ENOX1: variants seen among roughly 807,000 people sequenced by gnomAD.
ENOX1 encodes ecto-NOX disulfide-thiol exchanger 1.
In ENOX1, 42 loss-of-function variants were observed where a neutral mutation model predicts 82.5. That is an observed-to-expected ratio of 0.51 (90% confidence interval 0.40 to 0.66). The LOEUF (loss-of-function observed/expected upper bound fraction) is 0.66, where lower values mean the gene tolerates loss of function less well. Ranked by LOEUF, ENOX1 falls within the 30% of genes least tolerant of loss-of-function variation. The pLI is 0.00. For missense variants in ENOX1, 608 were observed against 811.6 expected (o/e 0.75, Z 3.05); for synonymous variants, 271 against 282.2 (o/e 0.96, Z 0.40).
chr13:43,279,653 T>C (rs1243201925), intron 12 of ENOX1, among the ~76,000 whole-genome samples: 1 of 152,214 alleles, frequency 6.6e-6, no homozygotes, highest in Admixed American at 6.5e-5. Context: ...CTAAAGAACA[T>C]GTGTTAAGTA....
chr13:43,248,371 T>C (rs1036341079), intron 14 of ENOX1, among the ~76,000 whole-genome samples: 2 of 151,938 alleles, frequency 1.3e-5, no homozygotes, highest in Admixed American at 6.6e-5. Flanking sequence ...GTATGGTGGA[T>C]AGTGAAAAAA....
At chr13:43,387,849 G>A (rs563855627) in intron 5 of ENOX1, among the ~76,000 whole-genome samples, 31 of 152,146 alleles carry the variant, frequency 2.0e-4, no homozygotes, top group Admixed American at 2.0e-3. Flanking sequence ...CATAACTGGT[G>A]TTTTCGAACA....
At chr13:43,224,337 C>A (rs561805399) in intron 15 of ENOX1, among the ~76,000 whole-genome samples, 199 bp from the exon 16 acceptor site, 1 of 152,270 alleles carries the variant, frequency 6.6e-6, no homozygotes, top group African/African-American at 2.4e-5. Context: ...ACTTTATCTC[C>A]TGGAATGATA....
At chr13:43,584,879 G>A (rs2080907542) in intron 2 of ENOX1, among the ~76,000 whole-genome samples, 1 of 152,110 alleles carries the variant, frequency 6.6e-6, no homozygotes, top group African/African-American at 2.4e-5. Flanking sequence ...CCATCCGCAG[G>A]CAAGAAGGAG....
intron 2 of ENOX1, among the ~76,000 whole-genome samples, chr13:43,566,833 G>A (rs2079942699): frequency 6.6e-6 from 1 of 152,034 alleles, no homozygotes; most frequent in Non-Finnish European, 1.5e-5. Flanking sequence ...ATGTGAAAAT[G>A]CTTTGTGAAT....
chr13:43,510,646 A>G (rs1439591298), intron 2 of ENOX1, among the ~76,000 whole-genome samples: 3 of 152,062 alleles, frequency 2.0e-5, no homozygotes, highest in African/African-American at 7.2e-5. Context: ...TCTACGTGGG[A>G]GAGGCAGGAT....
intron 5 of ENOX1, among the ~76,000 whole-genome samples, chr13:43,378,129 T>C (rs2051771819): frequency 1.3e-5 from 2 of 152,174 alleles, no homozygotes; most frequent in Non-Finnish European, 2.9e-5. Flanking sequence ...ATATGAAACA[T>C]GGTTTTCAGA....
At chr13:43,317,267 C>G (rs1453566924) in intron 11 of ENOX1, among the ~76,000 whole-genome samples, 2 of 152,188 alleles carry the variant, frequency 1.3e-5, no homozygotes, top group Non-Finnish European at 2.9e-5. Flanking sequence ...GAAGTTTCTA[C>G]CAGTGTGAAT....
At chr13:43,663,939 T>C (rs1259495616) in intron 2 of ENOX1, among the ~76,000 whole-genome samples, 3 of 151,968 alleles carry the variant, frequency 2.0e-5, no homozygotes, top group Non-Finnish European at 2.9e-5. Context: ...TAACATAAAC[T>C]CATGATTTAA....
chr13:43,367,793 G>A (rs1156336100), intron 5 of ENOX1, among the ~76,000 whole-genome samples: 2 of 152,088 alleles, frequency 1.3e-5, no homozygotes, highest in African/African-American at 4.8e-5. Context: ...TGGAGGGGGT[G>A]ACAGCTGACC....
In ENOX1 at chr13:43,601,180, G is replaced by T. The variant is rs552121630; in HGVS notation, c.-219+66299C>A. Among the ~76,000 whole-genome samples the T allele has an allele frequency of 2.6e-5, 4 of 152,126 alleles. No homozygotes were observed. In the East Asian group the frequency reaches 7.8e-4, roughly 30 times the overall value. ...CCAGAAAAACATGACCTCACCAAAT[G>T]AATTAAATAAGGCACCAGGGTTATA... On this transcript the variant is annotated intron_variant, in intron 2 of 16. Transcript: ENST00000690772.
chr13:43,289,202 G>A (rs1476291867), intron 12 of ENOX1, among the ~76,000 whole-genome samples: 1 of 151,608 alleles, frequency 6.6e-6, no homozygotes, highest in East Asian at 2.0e-4. Context: ...ATTCTTTACA[G>A]AATTAAGGAA....
At chr13:43,631,788 C>T (rs1005756282) in intron 2 of ENOX1, among the ~76,000 whole-genome samples, 10 of 152,154 alleles carry the variant, frequency 6.6e-5, no homozygotes, top group African/African-American at 1.9e-4. Context: ...TGCTTCATCT[C>T]TGATCACATG....
At chr13:43,292,271 C>A (rs1427608119) in intron 12 of ENOX1, among the ~76,000 whole-genome samples, 1 of 151,988 alleles carries the variant, frequency 6.6e-6, no homozygotes, top group Non-Finnish European at 1.5e-5. Flanking sequence ...GACAAAATAA[C>A]CTCTTGAAAA....
rs371084454 is a variant in ENOX1, at chr13:43,367,349, C to T, written c.209-5897G>A. ...TAATCCCCCATACCTATGAATGTGA[C>T]TTTATTTAGAAATACTGTGTTTGCA... On this transcript the variant is annotated intron_variant, in intron 5 of 16. Coordinates refer to ENST00000690772, the MANE Select transcript of ENOX1 (RefSeq NM_001347969.2). Among the ~76,000 whole-genome samples the T allele has an allele frequency of 3.2e-4, 49 of 152,252 alleles. 1 individual carries two copies. In the South Asian group the frequency reaches 1.0e-2, roughly 31 times the overall value.
At chr13:43,444,437 C>T (rs2056518552) in intron 3 of ENOX1, among the ~76,000 whole-genome samples, 1 of 152,154 alleles carries the variant, frequency 6.6e-6, no homozygotes, top group African/African-American at 2.4e-5. Context: ...GCAAGGTCCC[C>T]TGGGTGGACC....
At chr13:43,293,279 C>T (rs1566440536) in intron 12 of ENOX1, among the ~76,000 whole-genome samples, 1 of 152,000 alleles carries the variant, frequency 6.6e-6, no homozygotes, top group South Asian at 2.1e-4. Flanking sequence ...GCTACCTTTA[C>T]CACCATAGCT....
intron 1 of ENOX1, among the ~76,000 whole-genome samples, chr13:43,733,593 G>A (rs2089459919): frequency 6.6e-6 from 1 of 152,074 alleles, no homozygotes; most frequent in Non-Finnish European, 1.5e-5. Flanking sequence ...TTCTCATCTT[G>A]CCTTGTACCA....
chr13:43,587,360 A>G (rs978894937), intron 2 of ENOX1, among the ~76,000 whole-genome samples: 1 of 152,182 alleles, frequency 6.6e-6, no homozygotes, highest in Non-Finnish European at 1.5e-5. Context: ...TTGTGTTTAA[A>G]ATATGGAGCT....
Sources: gnomAD v4.1 joint callset for allele counts (sites outside exome capture counted in the v4.1 genomes callset) on GRCh38, gnomAD v4.1.1 for gene constraint, MANE v1.5 for transcripts, NCBI Gene and HGNC (gene_info 2026-07-23, HGNC 2026-07-21) for gene names.